The following SLC45A4 variants were observed in gnomAD, a reference collection of about 807,000 sequenced individuals.
SLC45A4 encodes the protein polyamine-transporter SLC45A4.
Under a neutral mutation model 63.7 loss-of-function variants are expected in SLC45A4, and 32 were observed. That is an observed-to-expected ratio of 0.50 (90% CI 0.38 to 0.67). The LOEUF (loss-of-function observed/expected upper bound fraction) is 0.67, where lower values mean the gene tolerates loss of function less well. Ranked by LOEUF, SLC45A4 falls within the 30% of genes least tolerant of loss-of-function variation. The pLI is 0.00. For missense variants in SLC45A4, 1,027 were observed against 1,157.7 expected (o/e 0.89, Z 1.64); for synonymous variants, 535 against 510.0 (o/e 1.05, Z -0.66).
chr8:141,250,573 C>T (rs1162036204), intron 2 of SLC45A4, among the ~76,000 whole-genome samples: 3 of 152,038 alleles, frequency 2.0e-5, no homozygotes, highest in Non-Finnish European at 2.9e-5. Flanking sequence ...TTTGTAGACA[C>T]GGAGTTTCAC....
intron 2 of SLC45A4, among the ~76,000 whole-genome samples, chr8:141,239,379 C>T (rs914831317): frequency 2.0e-5 from 3 of 152,154 alleles, no homozygotes; most frequent in African/African-American, 7.2e-5. Flanking sequence ...AGAAAGGCAT[C>T]GAGTGTACCT....
intron 1 of SLC45A4, among the ~76,000 whole-genome samples, chr8:141,266,211 C>T (rs988469869): frequency 2.6e-5 from 4 of 152,178 alleles, no homozygotes; most frequent in Non-Finnish European, 4.4e-5. Flanking sequence ...TGACCACAAA[C>T]GTGTGCTGCC....
At chr8:141,269,033 T>C (rs2154614890) in intron 1 of SLC45A4, among the ~76,000 whole-genome samples, 1 of 152,330 alleles carries the variant, frequency 6.6e-6, no homozygotes, top group East Asian at 1.9e-4. Context: ...AAACTGCAGG[T>C]TCTGGGGCTC....
rs1210695554 is a variant in SLC45A4 at position 141,229,148 on chromosome 8, C to A, written c.242-7383G>T. Among the ~76,000 whole-genome samples, 3 of 152,206 alleles carry A rather than the reference C, an allele frequency of 2.0e-5. No individual in the cohort carries two copies. In the South Asian group the frequency reaches 6.2e-4, roughly 31 times the overall value. On this transcript the variant is annotated intron_variant, in intron 2 of 8. Coordinates refer to ENST00000517878, the MANE Select transcript of SLC45A4 (RefSeq NM_001286646.2). This position sits in a 1 kb window ranked among gnomAD's most constrained non-coding sequence, Gnocchi z 5.0. Reference sequence around the variant, plus strand: ...TTAGTGCCCTTAAAAGAGCTGCACTCTCAGGAGCAGAGTTTTGTGAGCATA... The same window carrying A: ...TTAGTGCCCTTAAAAGAGCTGCACTATCAGGAGCAGAGTTTTGTGAGCATA...
At chr8:141,259,368 C>T (rs1053344938) in intron 1 of SLC45A4, among the ~76,000 whole-genome samples, 8 of 152,240 alleles carry the variant, frequency 5.3e-5, no homozygotes, top group African/African-American at 1.9e-4. Context: ...CCTCAGGCCC[C>T]CCAGCTCCAG....
At chr8:141,212,643 C>G in intron 7 of SLC45A4, 87 bp from the exon 8 acceptor site, 1 of 1,434,044 alleles carries the variant, frequency 7.0e-7, no homozygotes, top group South Asian at 1.4e-5. Flanking sequence ...AACCCACAAG[C>G]CTGGAAACAT....
intron 2 of SLC45A4, among the ~76,000 whole-genome samples, chr8:141,241,406 C>T (rs1026664779): frequency 1.3e-5 from 2 of 152,092 alleles, no homozygotes; most frequent in African/African-American, 4.8e-5. Context: ...TTGCTGCCTT[C>T]GGGGAAGGGA....
At chr8:141,268,043 A>T in intron 1 of SLC45A4, among the ~76,000 whole-genome samples, 1 of 152,232 alleles carries the variant, frequency 6.6e-6, no homozygotes, top group South Asian at 2.1e-4. Flanking sequence ...CGTCATTGCC[A>T]AAACTTGGAA....
At chr8:141,235,763 TG>T (rs767608203) in intron 2 of SLC45A4, among the ~76,000 whole-genome samples, 12 of 152,166 alleles carry the variant, frequency 7.9e-5, no homozygotes, top group Non-Finnish European at 1.6e-4. Context: ...TTTAAGCGTG[TG>T]CATGTTCAAA....
At chr8:141,265,418 GC>G (rs1161529549) in intron 1 of SLC45A4, among the ~76,000 whole-genome samples, 2 of 152,244 alleles carry the variant, frequency 1.3e-5, no homozygotes, top group Non-Finnish European at 2.9e-5. Context: ...CCAGCGCGGG[GC>G]GTGTTCTCAC....
chr8:141,211,854 A>G (rs1344717297), intron 8 of SLC45A4, 157 bp from the exon 9 acceptor site: 3 of 1,287,414 alleles, frequency 2.3e-6, no homozygotes, highest in East Asian at 5.9e-5. Flanking sequence ...CTTATTGTCT[A>G]TATAAATGTT....
chr8:141,218,028 A>T lies in SLC45A4; in HGVS notation c.1612T>A (p.Phe538Ile), dbSNP rs1826280599. 1 of 1,606,806 alleles carries T rather than the reference A, an allele frequency of 6.2e-7. No homozygotes were observed. The highest frequency in any genetic ancestry group is 8.5e-7 in the Non-Finnish European group (1 of 1,176,130). ...FYTDFMGQVIFEGDPKAPSNS... is the reference protein window; with the variant it reads ...FYTDFMGQVIIEGDPKAPSNS... ...GCACTCACCTTGGGGTCGCCTTCGA[A>T]GATGACCTGGCCCATGAAGTCGGTG... The change falls in exon 5 of 9, where the codon TTC becomes ATC. Residue 538 changes from phenylalanine (F) to isoleucine (I), a missense_variant. Coordinates refer to ENST00000517878, the MANE Select transcript of SLC45A4 (RefSeq NM_001286646.2).
intron 1 of SLC45A4, among the ~76,000 whole-genome samples, chr8:141,270,950 T>A (rs1330654725): frequency 6.6e-6 from 1 of 152,134 alleles, no homozygotes; most frequent in African/African-American, 2.4e-5. Context: ...GGGCATGGCC[T>A]GGCGAGACAG....
chr8:141,267,547 C>A (rs929056303), intron 1 of SLC45A4, among the ~76,000 whole-genome samples: 1 of 152,202 alleles, frequency 6.6e-6, no homozygotes, highest in Non-Finnish European at 1.5e-5. Flanking sequence ...GTAGGATGCA[C>A]ATGATGTGTT....
intron 1 of SLC45A4, among the ~76,000 whole-genome samples, chr8:141,265,195 G>A (rs537457098): frequency 1.2e-4 from 19 of 152,298 alleles, no homozygotes; most frequent in African/African-American, 4.6e-4. Context: ...TGGACACCTC[G>A]AGGCCCTCTG....
At chr8:141,296,163 C>T (rs1830542576) in intron 1 of SLC45A4, among the ~76,000 whole-genome samples, 1 of 152,064 alleles carries the variant, frequency 6.6e-6, no homozygotes, top group African/African-American at 2.4e-5. Context: ...AAACCTGGTC[C>T]GTGCTAAAAA....
chr8:141,266,572 G>A (rs574420203), intron 1 of SLC45A4, among the ~76,000 whole-genome samples: 1 of 152,330 alleles, frequency 6.6e-6, no homozygotes, highest in East Asian at 1.9e-4. Context: ...AAGCATGTGG[G>A]AAATCCCACT....
rs376627780 is a variant in SLC45A4, at chr8:141,227,134, T to C, written c.242-5369A>G. Among the ~76,000 whole-genome samples the C allele has an allele frequency of 6.6e-6, 1 of 152,262 alleles. No individual in the cohort carries two copies. The highest frequency in any genetic ancestry group is 1.9e-4 in the East Asian group (1 of 5,168). On this transcript the variant is annotated intron_variant, in intron 2 of 8. Transcript: ENST00000517878. This position sits in a 1 kb window ranked among gnomAD's most constrained non-coding sequence, Gnocchi z 4.4. ...GCTGGGCCCAGTAAATAAGTTTTGTTTTTTCCCAGGGAAAAGTTGAACAAC... is the reference window on the plus strand; with the variant it reads ...GCTGGGCCCAGTAAATAAGTTTTGTCTTTTCCCAGGGAAAAGTTGAACAAC...
chr8:141,241,519 A>T (rs572026366), intron 2 of SLC45A4, among the ~76,000 whole-genome samples: 1 of 152,320 alleles, frequency 6.6e-6, no homozygotes, highest in Admixed American at 6.5e-5. Flanking sequence ...TTAAGAAAGT[A>T]GAATTCATAT....
Sources: allele counts gnomAD v4.1 joint callset (sites outside exome capture counted in the v4.1 genomes callset), GRCh38; gene constraint gnomAD v4.1.1; non-coding constraint Gnocchi (gnomAD v3.1); transcripts MANE v1.5; gene names NCBI Gene and HGNC (gene_info 2026-07-23, HGNC 2026-07-21).